Variants in FAM169A observed in about 807,000 individuals in gnomAD.
FAM169A encodes soluble lamin-associated protein of 75 kDa.
FAM169A carries 24 observed loss-of-function variants against 75.7 expected under a neutral mutation model. The ratio of observed to expected loss-of-function variants is 0.32; its 90% CI spans 0.23 to 0.45. The LOEUF is 0.45. Ranked by LOEUF, FAM169A falls within the 20% of genes least tolerant of loss-of-function variation. The probability of loss-of-function intolerance (pLI) is 1.00; values close to 1 mark genes in which losing one functional copy is unlikely to be tolerated. For synonymous variants in FAM169A, 271 were observed against 271.0 expected (o/e 1.00, Z 0.00); for missense variants, 673 against 784.0 (o/e 0.86, Z 1.69).
rs1561328873 is a variant in FAM169A, at chr5:74,857,571, G to GAAAAA, written c.-4+8593_-4+8594insTTTTT. Among the ~76,000 whole-genome samples the GAAAAA allele has an allele frequency of 5.4e-3, 353 of 65,706 alleles. 36 individuals carry two copies. The highest frequency in any genetic ancestry group is 0.017 in the African/African-American group (274 of 15,890). The allele number at this position is 65,706 out of a possible 152,430, so 43.1% of individuals were successfully genotyped here. A position where few individuals can be genotyped will look rare whatever the true frequency, so the allele number is the denominator to read the frequency against. ...GGTGACAGAGCCAGACCTTGCCGCG[G>GAAAAA]GAAAAAAAAAAAAAAAAAAAAAAAA... On this transcript the variant is annotated intron_variant, in intron 1 of 12. Coordinates refer to ENST00000687041, the MANE Select transcript of FAM169A (RefSeq NM_001376049.1).
intron 1 of FAM169A, among the ~76,000 whole-genome samples, chr5:74,856,293 A>T (rs528190335): frequency 6.6e-6 from 1 of 152,102 alleles, no homozygotes; most frequent in Non-Finnish European, 1.5e-5. Context: ...TATACATTTT[A>T]GGATTTTTTT....
intron 5 of FAM169A, among the ~76,000 whole-genome samples, chr5:74,819,730 A>G (rs2112598440): frequency 6.6e-6 from 1 of 152,336 alleles, no homozygotes; most frequent in Middle Eastern, 3.4e-3. Context: ...ATAAAAAGGA[A>G]TAAGGTGCTG....
In FAM169A at chr5:74,783,136, T is replaced by A. The variant is rs746425335; in HGVS notation, c.1261-2A>T. The A allele has an allele frequency of 6.2e-7, 1 of 1,604,558 alleles. No individual in the cohort carries two copies. The highest frequency in any genetic ancestry group is 1.1e-5 in the South Asian group (1 of 90,246). ...ATTCATAGGCTCTAATTCAGATTCCTACACCATGAGGAGAGAGGGAAAAAG... is the reference window on the plus strand; with the variant it reads ...ATTCATAGGCTCTAATTCAGATTCCAACACCATGAGGAGAGAGGGAAAAAG... On this transcript the variant is annotated splice_acceptor_variant, in intron 11 of 12. Coordinates refer to ENST00000687041, the MANE Select transcript of FAM169A (RefSeq NM_001376049.1). LOFTEE classifies it high-confidence loss of function.
At chr5:74,820,603 C>T (rs1022360965) in intron 5 of FAM169A, among the ~76,000 whole-genome samples, 1 of 152,074 alleles carries the variant, frequency 6.6e-6, no homozygotes, top group African/African-American at 2.4e-5. Context: ...CACCTCTACC[C>T]CATCTCCCTT....
upstream of FAM169A, chr5:74,866,847 C>T (rs1327403010): frequency 6.1e-6 from 6 of 985,416 alleles, no homozygotes; most frequent in African/African-American, 5.2e-5. Flanking sequence ...ATCCCGGCCT[C>T]GGGACAGGGG....
intron 4 of FAM169A, 123 bp from the exon 5 acceptor site, chr5:74,834,720 A>G (rs537194496): frequency 1.5e-6 from 1 of 668,702 alleles, no homozygotes; most frequent in East Asian, 3.2e-5. Context: ...AATGCATTCA[A>G]AAAAATTTGC....
intron 1 of FAM169A, among the ~76,000 whole-genome samples, chr5:74,849,796 C>T (rs1390020688): frequency 6.6e-6 from 1 of 152,138 alleles, no homozygotes; most frequent in Non-Finnish European, 1.5e-5. Context: ...TTCCTCTAAC[C>T]ACTCATCTTT....
At chr5:74,792,023 T>C (rs1217050248) in intron 11 of FAM169A, among the ~76,000 whole-genome samples, 3 of 152,254 alleles carry the variant, frequency 2.0e-5, no homozygotes, top group South Asian at 2.1e-4. Flanking sequence ...ATAAGATTTA[T>C]TGACATCATA....
chr5:74,865,938 A>C (rs987321787), intron 1 of FAM169A: 2 of 152,706 alleles, frequency 1.3e-5, no homozygotes, highest in African/African-American at 4.8e-5. Context: ...TGGGGGCGCC[A>C]CACGCCCTAC....
chr5:74,791,143 G>C (rs1280732279), intron 11 of FAM169A, among the ~76,000 whole-genome samples: 1 of 152,140 alleles, frequency 6.6e-6, no homozygotes, highest in Non-Finnish European at 1.5e-5. Context: ...GAAGCAGCTG[G>C]ATTGACAGAA....
Position 74,781,723 on chromosome 5 carries a change from T to C in FAM169A, c.1750A>G (p.Thr584Ala), listed in dbSNP as rs1325284186. 2.5e-6 allele frequency: 4 copies of C among 1,614,154 alleles called. No individual in the cohort carries two copies. Among genetic ancestry groups the C allele is most frequent in the Non-Finnish European group, 3.4e-6 (4 of 1,180,012 alleles). Residue 584 changes from threonine (T) to alanine (A), a missense_variant, in exon 13 of 13, where the codon ACT becomes GCT. Coordinates refer to ENST00000687041, the MANE Select transcript of FAM169A (RefSeq NM_001376049.1). ...EGVSEPQETS[T>A]ALPQSSLIEV... ...ATCAAAGAACTCTGAGGAAGAGCAG[T>C]AGATGTTTCCTGGGGCTCAGATACC...
chr5:74,786,257 T>TC (rs1745690196), intron 11 of FAM169A, among the ~76,000 whole-genome samples: 1 of 152,120 alleles, frequency 6.6e-6, no homozygotes, highest in South Asian at 2.1e-4. Context: ...CTTAATAAAC[T>TC]CCCCTTTATA....
intron 10 of FAM169A, among the ~76,000 whole-genome samples, chr5:74,797,223 C>A (rs1440983391): frequency 2.6e-5 from 4 of 152,352 alleles, no homozygotes; most frequent in African/African-American, 9.6e-5. Context: ...GTCACCTACG[C>A]TGGAGTGCAG....
intron 1 of FAM169A, among the ~76,000 whole-genome samples, chr5:74,851,649 T>C (rs1034379347): frequency 3.9e-5 from 6 of 152,214 alleles, no homozygotes; most frequent in African/African-American, 1.4e-4. Context: ...TACTACATAC[T>C]GTAGTACAGT....
intron 1 of FAM169A, among the ~76,000 whole-genome samples, chr5:74,846,810 G>A (rs112349909): frequency 5.8e-4 from 88 of 152,100 alleles, no homozygotes; most frequent in Non-Finnish European, 1.0e-3. Flanking sequence ...CAATCCTTCC[G>A]TCTCAGCCTC....
chr5:74,834,410 A>C lies in FAM169A; in HGVS notation c.490+16T>G. On this transcript the variant is annotated intron_variant, in intron 5 of 12. Coordinates refer to ENST00000687041, the MANE Select transcript of FAM169A (RefSeq NM_001376049.1). ...ATTTCCATAATACACAGTTTAAATA[A>C]CTTTTAAAGACTCACCTGTAGGCTT... 7.1e-7 allele frequency: 1 copy of C among 1,416,226 alleles called. No homozygotes were observed. 87.7% of individuals were successfully genotyped at this position (1,416,226 alleles called of 1,614,324 possible). A position where few individuals can be genotyped will look rare whatever the true frequency, so the allele number is the denominator to read the frequency against.
chr5:74,836,466 G>T (rs781263587), intron 4 of FAM169A, among the ~76,000 whole-genome samples: 2 of 152,098 alleles, frequency 1.3e-5, no homozygotes, highest in African/African-American at 4.8e-5. Context: ...AGGACCTCCC[G>T]TCCATATAAT....
At chr5:74,830,881 C>A (rs537660592) in intron 5 of FAM169A, among the ~76,000 whole-genome samples, 16 of 152,148 alleles carry the variant, frequency 1.1e-4, no homozygotes, top group African/African-American at 3.9e-4. Flanking sequence ...GAGAAATAAT[C>A]TTTATTCCTA....
chr5:74,840,240 T>C, intron 2 of FAM169A, 67 bp from the exon 3 acceptor site: 1 of 662,400 alleles, frequency 1.5e-6, no homozygotes, highest in East Asian at 3.1e-5. Flanking sequence ...AAAATCAATC[T>C]TTTATCAAAG....
Sources: gnomAD v4.1 joint callset for allele counts (sites outside exome capture counted in the v4.1 genomes callset) on GRCh38, gnomAD v4.1.1 for gene constraint, MANE v1.5 for transcripts, NCBI Gene and HGNC (gene_info 2026-07-23, HGNC 2026-07-21) for gene names.